ANK1: variants seen among roughly 807,000 people sequenced by gnomAD.
ANK1 encodes the protein ankyrin-1.
A neutral mutation model predicts 210.4 loss-of-function variants in ANK1; 51 were observed. The ratio of observed to expected loss-of-function variants is 0.24; its 90% confidence interval spans 0.19 to 0.31. The LOEUF is 0.31. Ranked by LOEUF, ANK1 falls within the 10% of genes least tolerant of loss-of-function variation. The pLI is 1.00. For synonymous variants in ANK1, 967 were observed against 1,025.9 expected, an observed-to-expected ratio of 0.94 and a Z score of 1.10; for missense variants, 2,051 against 2,504.4, an observed-to-expected ratio of 0.82 and a Z score of 3.86.
chr8:41,660,729 G>A (rs1009288323), intron 42 of ANK1, among the ~76,000 whole-genome samples: 5 of 152,144 alleles, frequency 3.3e-5, no homozygotes, highest in East Asian at 1.9e-4. Flanking sequence ...AAAGCACGTC[G>A]TCCACCCCTT....
chr8:41,781,122 C>A (rs1845228552), intron 1 of ANK1, among the ~76,000 whole-genome samples: 1 of 152,178 alleles, frequency 6.6e-6, no homozygotes, highest in South Asian at 2.1e-4. Flanking sequence ...AAACAGTCAC[C>A]ACTTTCTGCT....
intron 1 of ANK1, among the ~76,000 whole-genome samples, chr8:41,780,318 C>T (rs1309541594): frequency 1.3e-5 from 2 of 152,228 alleles, no homozygotes; most frequent in Non-Finnish European, 2.9e-5. Context: ...AGACACTGCA[C>T]CCAGCCTCTT....
intron 37 of ANK1, among the ~76,000 whole-genome samples, chr8:41,683,997 C>T (rs1057127997): frequency 1.3e-5 from 2 of 152,300 alleles, no homozygotes; most frequent in South Asian, 2.1e-4. Flanking sequence ...CAGAGAGACC[C>T]GGCTCCAGGA....
intron 2 of ANK1, among the ~76,000 whole-genome samples, chr8:41,739,102 A>G (rs1834093160): frequency 6.6e-6 from 1 of 152,062 alleles, no homozygotes. Context: ...TGTGTTTTAG[A>G]CCAGTTGATG....
At chr8:41,749,881 G>T (rs537979115) in intron 2 of ANK1, among the ~76,000 whole-genome samples, 1 of 152,298 alleles carries the variant, frequency 6.6e-6, no homozygotes, top group Non-Finnish European at 1.5e-5. Flanking sequence ...CAAAGTGCTG[G>T]GATTACAGGC....
At chr8:41,802,362 T>C (rs1345709419), upstream of ANK1, among the ~76,000 whole-genome samples, 1 of 152,210 alleles carries the variant, frequency 6.6e-6, no homozygotes, top group Non-Finnish European at 1.5e-5. Flanking sequence ...AGTTGAGTTC[T>C]GATTTTTACT....
intron 12 of ANK1, among the ~76,000 whole-genome samples, 182 bp from the exon 13 acceptor site, chr8:41,717,233 A>ATG (rs1171434737): frequency 6.0e-4 from 91 of 152,088 alleles, no homozygotes; most frequent in African/African-American, 2.1e-3. Context: ...GTATGTGTGT[A>ATG]TGTGTGTGTG....
intron 1 of ANK1, among the ~76,000 whole-genome samples, chr8:41,861,610 T>A (rs2150818494): frequency 6.6e-6 from 1 of 152,320 alleles, no homozygotes; most frequent in South Asian, 2.1e-4. Flanking sequence ...GTGCCTGTGT[T>A]CACTCATCTC....
chr8:41,664,494 GAA>G (rs1563341684), intron 39 of ANK1, among the ~76,000 whole-genome samples: 1 of 146,124 alleles, frequency 6.8e-6, no homozygotes, highest in Non-Finnish European at 1.5e-5. Flanking sequence ...AAAAACAAAA[GAA>G]AAAAGAGAAG....
At chr8:41,868,441 T>C (rs1430335753) in intron 1 of ANK1, among the ~76,000 whole-genome samples, 14 of 152,218 alleles carry the variant, frequency 9.2e-5, no homozygotes. Flanking sequence ...ACCAAGATGA[T>C]GAGCAATTAT....
intron 1 of ANK1, among the ~76,000 whole-genome samples, chr8:41,803,039 A>AAG (rs752905346): frequency 1.9e-3 from 129 of 68,890 alleles, no homozygotes; most frequent in African/African-American, 7.0e-3. Context: ...GAAAGAAAGA[A>AAG]AGAGAAAGAA....
chr8:41,690,203 G>A (rs189948847), intron 33 of ANK1, 24 bp downstream of exon 33: 6 of 1,614,064 alleles, frequency 3.7e-6, no homozygotes, highest in Non-Finnish European at 5.1e-6. Context: ...TCGGGCCAAG[G>A]CTCCTCGGCA....
intron 2 of ANK1, among the ~76,000 whole-genome samples, chr8:41,746,902 G>A (rs1368628974): frequency 2.7e-5 from 4 of 150,520 alleles, no homozygotes; most frequent in Non-Finnish European, 5.9e-5. Flanking sequence ...ACCTTTAGAA[G>A]AAGGGCAGTG....
chr8:41,746,278 C>T (rs1274019031), intron 2 of ANK1, among the ~76,000 whole-genome samples: 3 of 152,144 alleles, frequency 2.0e-5, no homozygotes, highest in Non-Finnish European at 4.4e-5. Flanking sequence ...TCTAAGGAAT[C>T]AGAAGCCAGG....
chr8:41,822,145 A>G (rs28483186), intron 1 of ANK1, among the ~76,000 whole-genome samples: 4 of 32,960 alleles, frequency 1.2e-4, no homozygotes, highest in Non-Finnish European at 2.8e-4. Flanking sequence ...AAAGAAAGAA[A>G]GAAAGAAAGA....
chr8:41,848,557 C>A (rs1314383965), intron 1 of ANK1, among the ~76,000 whole-genome samples: 5 of 152,182 alleles, frequency 3.3e-5, no homozygotes, highest in Non-Finnish European at 5.9e-5. Flanking sequence ...TTTGGGGGTG[C>A]TGTCGTCTGT....
At chr8:41,671,508 A>G (rs1056612224) in intron 38 of ANK1, among the ~76,000 whole-genome samples, 2 of 152,076 alleles carry the variant, frequency 1.3e-5, no homozygotes, top group African/African-American at 4.8e-5. Context: ...TGGTGCTCTA[A>G]TGTCCCTAAG....
intron 1 of ANK1, among the ~76,000 whole-genome samples, chr8:41,785,368 A>G (rs72640329): frequency 0.24 from 36,227 of 152,092 alleles, 5,342 homozygotes; most frequent in Admixed American, 0.39. Context: ...TCTAAAAGCA[A>G]TTAATTAGAT....
rs1563470313 is a variant in ANK1 at position 41,697,952 on chromosome 8, T to C, written c.2637+91A>G. The C allele has an allele frequency of 4.2e-6, 5 of 1,182,166 alleles. 1 individual carries two copies. The highest frequency in any genetic ancestry group is 3.8e-5 in the Admixed American group (2 of 53,200). The allele number at this position is 1,182,166 out of a possible 1,614,324, so 73.2% of individuals were successfully genotyped here. On this transcript the variant is annotated intron_variant, in intron 24 of 42. Coordinates refer to ENST00000289734, the MANE Select transcript of ANK1 (RefSeq NM_000037.4). Reference sequence around the variant, plus strand: ...GTGGCATGTGAGCTATTAGTGCCTATTGTGCTACGTACAGGCCACCCCTCA... The same window carrying C: ...GTGGCATGTGAGCTATTAGTGCCTACTGTGCTACGTACAGGCCACCCCTCA...
Sources: allele counts gnomAD v4.1 joint callset (sites outside exome capture counted in the v4.1 genomes callset), GRCh38; gene constraint gnomAD v4.1.1; transcripts MANE v1.5; gene names NCBI Gene and HGNC (gene_info 2026-07-23, HGNC 2026-07-21).